The following RPTOR variants were observed in gnomAD, a reference collection of about 807,000 sequenced individuals.
RPTOR encodes the protein regulatory-associated protein of mTOR.
In RPTOR, 21 loss-of-function variants were observed where a neutral mutation model predicts 169.9. That is an observed-to-expected ratio of 0.12 (90% CI 0.09 to 0.18). RPTOR has a LOEUF of 0.18. Ranked by LOEUF, RPTOR falls within the 10% of genes least tolerant of loss-of-function variation. The pLI, the probability that RPTOR is intolerant of heterozygous loss-of-function variation, is 1.00. For missense variants in RPTOR, 1,133 were observed against 1,855.9 expected, an observed-to-expected ratio of 0.61 and a Z score of 7.16; for synonymous variants, 732 against 753.2, an observed-to-expected ratio of 0.97 and a Z score of 0.46.
At chr17:80,753,930 G>A in intron 5 of RPTOR, 80 bp from the exon 6 acceptor site, 1 of 1,271,762 alleles carries the variant, frequency 7.9e-7, no homozygotes, top group Non-Finnish European at 1.1e-6. Context: ...CTTTCCTTCT[G>A]TGTTACAGCT....
intron 20 of RPTOR, among the ~76,000 whole-genome samples, chr17:80,899,899 C>T (rs1040946289): frequency 1.6e-4 from 25 of 152,102 alleles, no homozygotes; most frequent in African/African-American, 5.3e-4. Flanking sequence ...ACACCCTGCC[C>T]GCACCCTGGC....
intron 17 of RPTOR, among the ~76,000 whole-genome samples, chr17:80,887,166 G>A (rs2068257071): frequency 6.6e-6 from 1 of 152,016 alleles, no homozygotes; most frequent in Non-Finnish European, 1.5e-5. Context: ...CTGTGACCAA[G>A]CGGGCTGCAC....
intron 21 of RPTOR, among the ~76,000 whole-genome samples, chr17:80,914,496 C>T (rs1350900476): frequency 6.6e-6 from 1 of 152,232 alleles, no homozygotes; most frequent in Non-Finnish European, 1.5e-5. Flanking sequence ...CTCCTCTGTG[C>T]TCTCAGGGGC....
At chr17:80,643,188 A>C (rs1386303554) in intron 2 of RPTOR, among the ~76,000 whole-genome samples, 4 of 152,236 alleles carry the variant, frequency 2.6e-5, no homozygotes, top group Admixed American at 6.5e-5. Flanking sequence ...TTTAGAGTTA[A>C]TTGCCCTGGA....
rs957685507 is a variant in RPTOR, at chr17:80,744,325, C to T, written c.655-9685C>T. 6.5e-3 allele frequency among the ~76,000 whole-genome samples: 133 copies of T among 20,492 alleles called. 3 individuals are homozygous for T. Among genetic ancestry groups the T allele is most frequent in the Non-Finnish European group, 9.7e-3 (64 of 6,596 alleles). The allele number at this position is 20,492 out of a possible 152,430, so 13.4% of individuals were successfully genotyped here. The stretch of plus-strand genomic sequence containing the variant: ...AGCACAGCCCTGGTTACTAGCACAG[C>T]CCTGGCTACTAGCACAGCCCTGGCT... On this transcript the variant is annotated intron_variant, in intron 5 of 33. Transcript: ENST00000306801.
At chr17:80,915,180 G>A (rs1003624597) in intron 21 of RPTOR, among the ~76,000 whole-genome samples, 21 of 151,106 alleles carry the variant, frequency 1.4e-4, no homozygotes, top group Middle Eastern at 6.8e-3. Flanking sequence ...AGCAGACGTC[G>A]GGAAAACCAG....
At chr17:80,877,114 G>A (rs2068129486) in intron 13 of RPTOR, among the ~76,000 whole-genome samples, 1 of 152,124 alleles carries the variant, frequency 6.6e-6, no homozygotes, top group Non-Finnish European at 1.5e-5. Context: ...TGTGTTGCCT[G>A]CTGGCTGCCG....
At chr17:80,923,727 A>G in intron 23 of RPTOR, 54 bp downstream of exon 23, 2 of 1,472,664 alleles carry the variant, frequency 1.4e-6, no homozygotes, top group South Asian at 2.7e-5. Flanking sequence ...TGCTTCTCAG[A>G]TGGGGGCTCA....
At chr17:80,684,404 G>GTTTGTTTA (rs909877024) in intron 3 of RPTOR, among the ~76,000 whole-genome samples, 2 of 136,824 alleles carry the variant, frequency 1.5e-5, no homozygotes, top group African/African-American at 5.6e-5. Flanking sequence ...GGAGATACAT[G>GTTTGTTTA]TTTATTTATT....
intron 5 of RPTOR, chr17:80,743,316 G>A: frequency 1.0e-6 from 1 of 985,576 alleles, no homozygotes; most frequent in Non-Finnish European, 1.2e-6. Context: ...AGGGGGCAGG[G>A]CGCTCTTGCA....
intron 10 of RPTOR, 78 bp downstream of exon 10, chr17:80,838,075 A>G (rs1432705328): frequency 2.1e-5 from 26 of 1,251,414 alleles, no homozygotes; most frequent in Non-Finnish European, 2.9e-5. Flanking sequence ...AAGCCCCCAG[A>G]CTGGGGGTGG....
intron 5 of RPTOR, among the ~76,000 whole-genome samples, chr17:80,750,794 A>C (rs1315910434): frequency 2.0e-5 from 3 of 152,180 alleles, no homozygotes; most frequent in Non-Finnish European, 4.4e-5. Context: ...TCTTGTTTAA[A>C]AAAACCCACT....
intron 13 of RPTOR, among the ~76,000 whole-genome samples, chr17:80,877,441 CACCACATAGT>C (rs2068133590): frequency 3.3e-5 from 5 of 152,250 alleles, no homozygotes; most frequent in Non-Finnish European, 7.3e-5. Flanking sequence ...TGGTAGTATA[CACCACATAGT>C]TGCCAGACTC....
At chr17:80,669,243 G>A (rs1275781964) in intron 3 of RPTOR, among the ~76,000 whole-genome samples, 3 of 152,234 alleles carry the variant, frequency 2.0e-5, no homozygotes, top group African/African-American at 7.2e-5. Flanking sequence ...TTCCCTGAAA[G>A]CTGAGTCCAA....
intron 7 of RPTOR, among the ~76,000 whole-genome samples, chr17:80,792,560 TG>T (rs2067059541): frequency 6.6e-6 from 1 of 152,166 alleles, no homozygotes; most frequent in Admixed American, 6.5e-5. Context: ...GTCCTCAGCA[TG>T]GGTACCTAAC....
At chr17:80,629,981 A>G (rs62068342) in intron 2 of RPTOR, among the ~76,000 whole-genome samples, 9,141 of 152,306 alleles carry the variant, frequency 0.06, 313 homozygotes, top group Non-Finnish European at 0.082. Context: ...CTGATAAACC[A>G]GCCAAGGAAA....
chr17:80,951,376 C>G (rs1216208665), intron 28 of RPTOR, among the ~76,000 whole-genome samples: 1 of 152,242 alleles, frequency 6.6e-6, no homozygotes, highest in Non-Finnish European at 1.5e-5. Context: ...CCTTCTCGGC[C>G]CAGACCCTCC....
intron 3 of RPTOR, among the ~76,000 whole-genome samples, chr17:80,662,133 C>T (rs979659895): frequency 3.3e-5 from 5 of 152,106 alleles, no homozygotes. Flanking sequence ...CCTGCTTAAT[C>T]ACACTCAAAG....
In RPTOR at chr17:80,908,921, G is replaced by A. The variant is rs1255569294; in HGVS notation, c.2512G>A (p.Ala838Thr). Residue 838 changes from alanine (A) to threonine (T), a missense_variant, in exon 21 of 34, where the codon GCC becomes ACC. Ala to Thr is a moderately conservative substitution (Grantham distance 58). This residue lies in a region of RPTOR where 123 missense variants were observed against 129.0 expected (regional missense o/e 0.95). Transcript: ENST00000306801. Reference sequence around the variant, plus strand: ...GGCCATGAAAGTACTCAACAGCATCGCCTACAAGGTACGTGCCGGGCGCTC... The same window carrying A: ...GGCCATGAAAGTACTCAACAGCATCACCTACAAGGTACGTGCCGGGCGCTC... ...DVAMKVLNSI[A>T]YKATVNARPQ... 1 of 1,612,616 alleles carries A rather than the reference G, an allele frequency of 6.2e-7. No homozygotes were observed. Among genetic ancestry groups the A allele is most frequent in the Non-Finnish European group, 8.5e-7 (1 of 1,178,744 alleles).
Sources: allele counts gnomAD v4.1 joint callset (sites outside exome capture counted in the v4.1 genomes callset), GRCh38; gene constraint gnomAD v4.1.1; regional missense constraint gnomAD v4.1.1; transcripts MANE v1.5; gene names NCBI Gene and HGNC (gene_info 2026-07-23, HGNC 2026-07-21).